The following SGSM3 variants were observed in gnomAD, a reference collection of about 807,000 sequenced individuals.
SGSM3 encodes the protein RUN and SH3 containing 3.
In SGSM3, 96 loss-of-function variants were observed where a neutral mutation model predicts 100.5. The observed-to-expected ratio is 0.96, with a 90% CI of 0.81 to 1.13. The LOEUF is 1.13. Ranked by LOEUF, SGSM3 falls within the 50% of genes most tolerant of loss-of-function variation. SGSM3 has a pLI of 0.00. For synonymous variants in SGSM3, 483 were observed against 422.8 expected (o/e 1.14, Z -1.75); for missense variants, 1,001 against 1,015.8 (o/e 0.99, Z 0.20).
intron 1 of SGSM3, among the ~76,000 whole-genome samples, chr22:40,384,760 G>A (rs2048164005): frequency 6.6e-6 from 1 of 152,088 alleles, no homozygotes; most frequent in Admixed American, 6.5e-5. Flanking sequence ...CAGCCTGGGC[G>A]ACAGAGCAAG....
At chr22:40,397,830 C>T (rs982503489) in intron 1 of SGSM3, among the ~76,000 whole-genome samples, 4 of 152,192 alleles carry the variant, frequency 2.6e-5, no homozygotes, top group Admixed American at 1.3e-4. Flanking sequence ...GTGTCCCTAA[C>T]CCATATTCTA....
intron 2 of SGSM3, among the ~76,000 whole-genome samples, chr22:40,401,372 C>T (rs1602022720): frequency 2.0e-5 from 3 of 152,208 alleles, no homozygotes; most frequent in South Asian, 2.1e-4. Flanking sequence ...TCCTGCCTCC[C>T]GAGTAGCTGG....
intron 1 of SGSM3, among the ~76,000 whole-genome samples, chr22:40,384,780 C>CA (rs1449627031): frequency 4.7e-5 from 7 of 149,722 alleles, no homozygotes; most frequent in African/African-American, 1.2e-4. Context: ...GACTCCACCT[C>CA]AAAAAAAAAG....
rs1294971845 is a variant in SGSM3, at chr22:40,407,393, G to A, written c.1369-20G>A. On this transcript the variant is annotated intron_variant, in intron 12 of 21. Coordinates refer to ENST00000248929, the MANE Select transcript of SGSM3 (RefSeq NM_015705.6). The surrounding 1 kb of genome is among the most constrained non-coding windows in gnomAD (Gnocchi z 4.7). ...CTAACTCCTCCAACCCCCTTGGTGG[G>A]CCTGTGTTCACTGTGGCAGGAGCTG... 1 of 1,611,428 alleles carries A rather than the reference G, an allele frequency of 6.2e-7. No homozygotes were observed. Among genetic ancestry groups the A allele is most frequent in the East Asian group, 2.2e-5 (1 of 44,824 alleles).
At position 40,408,388 on chromosome 22, in the gene SGSM3, C is replaced by T; in HGVS notation, c.1741C>T (p.Leu581=). The T allele has an allele frequency of 6.2e-7, 1 of 1,613,510 alleles. No homozygotes were observed. Among genetic ancestry groups the T allele is most frequent in the Non-Finnish European group, 8.5e-7 (1 of 1,179,980 alleles). Residue 581 remains leucine (L), a synonymous_variant, in exon 16 of 22, where the codon CTG becomes TTG. Transcript: ENST00000248929. ...CGAACATGGACTGAAGAAGCCATCC[C>T]TGCTTGGGGGCGCCTGCCACCCCTG... ...LFEHGLKKPS[L]LGGACHPWLF...
chr22:40,387,347 G>A (rs2048640447), intron 1 of SGSM3: 1 of 395,128 alleles, frequency 2.5e-6, no homozygotes, highest in African/African-American at 2.1e-5. Context: ...GTTCATATCT[G>A]CAAATGAAAC....
chr22:40,383,988 C>G (rs1478266380), intron 1 of SGSM3, among the ~76,000 whole-genome samples: 1 of 152,154 alleles, frequency 6.6e-6, no homozygotes, highest in Non-Finnish European at 1.5e-5. Context: ...ATGGCTCATG[C>G]CTGTAATCCT....
In SGSM3 at chr22:40,409,358, C is replaced by T. The variant is rs750402072; in HGVS notation, c.2097C>T (p.Ile699=). The T allele has an allele frequency of 2.2e-5, 35 of 1,605,414 alleles. No individual in the cohort carries two copies. The highest frequency in any genetic ancestry group is 2.7e-5 in the Non-Finnish European group (32 of 1,175,486). ...SFLRSPGWVQ[I]KCELRVLCCF... Reference sequence around the variant, plus strand: ...TGCGCAGCCCGGGCTGGGTCCAGATCAAGTGTGAGCTCCGGTGAGGACCTT... The same window carrying T: ...TGCGCAGCCCGGGCTGGGTCCAGATTAAGTGTGAGCTCCGGTGAGGACCTT... Residue 699 remains isoleucine (I), a synonymous_variant, in exon 20 of 22, where the codon ATC becomes ATT. Coordinates refer to ENST00000248929, the MANE Select transcript of SGSM3 (RefSeq NM_015705.6).
At chr22:40,371,858 G>A (rs575687235) in intron 1 of SGSM3, among the ~76,000 whole-genome samples, 119 of 151,656 alleles carry the variant, frequency 7.8e-4, no homozygotes, top group African/African-American at 2.8e-3. Context: ...CACCACGCCC[G>A]GCTAATTTGT....
intron 1 of SGSM3, among the ~76,000 whole-genome samples, chr22:40,381,042 TG>T (rs1323525686): frequency 6.6e-6 from 1 of 152,228 alleles, no homozygotes; most frequent in Admixed American, 6.5e-5. Context: ...AGCATGATAA[TG>T]GTTTAGCATG....
intron 1 of SGSM3, among the ~76,000 whole-genome samples, chr22:40,395,035 C>T (rs1351068019): frequency 7.9e-5 from 12 of 152,188 alleles, no homozygotes; most frequent in Admixed American, 7.9e-4. Context: ...CTCACTTAAC[C>T]TCATAAGTAG....
intron 1 of SGSM3, among the ~76,000 whole-genome samples, chr22:40,382,472 G>A (rs562974278): frequency 3.9e-5 from 6 of 152,170 alleles, no homozygotes; most frequent in Admixed American, 2.0e-4. Flanking sequence ...ACTGTTGGCC[G>A]GAGCACCTAT....
chr22:40,372,598 G>A (rs1483789375), intron 1 of SGSM3: 2 of 152,206 alleles, frequency 1.3e-5, no homozygotes, highest in African/African-American at 4.8e-5. Context: ...TTGGAAACAT[G>A]TCAGGTTGAT....
chr22:40,401,819 G>A, intron 3 of SGSM3, 144 bp downstream of exon 3: 4 of 702,914 alleles, frequency 5.7e-6, no homozygotes, highest in South Asian at 4.6e-5. Flanking sequence ...TTAGCCCCAT[G>A]TTTCCTGTGT....
chr22:40,409,867 A>T lies in SGSM3; in HGVS notation c.*108A>T. ...CCAGAGCCCTGGCCGGGGCCGCGGG[A>T]TATCAATATCAGGCTGCCCCACTCC... On this transcript the variant is annotated 3_prime_UTR_variant, in exon 22 of 22. Coordinates refer to ENST00000248929, the MANE Select transcript of SGSM3 (RefSeq NM_015705.6). The T allele has an allele frequency of 6.8e-7, 1 of 1,470,204 alleles. No homozygotes were observed. The allele number at this position is 1,470,204 out of a possible 1,614,324, so 91.1% of individuals were successfully genotyped here.
chr22:40,407,464 T>C lies in SGSM3; in HGVS notation c.1420T>C (p.Tyr474His). 1 of 1,612,400 alleles carries C rather than the reference T, an allele frequency of 6.2e-7. No individual in the cohort carries two copies. The highest frequency in any genetic ancestry group is 8.5e-7 in the Non-Finnish European group (1 of 1,179,948). The stretch of plus-strand genomic sequence containing the variant: ...GAGCCACCAGCGGGACCACGAGAAC[T>C]ACGTGGCGTGCTCACGCAGCCACCG... ...MESHQRDHEN[Y>H]VACSRSHRRR... The change falls in exon 13 of 22, where the codon TAC becomes CAC. Residue 474 changes from tyrosine (Y) to histidine (H), a missense_variant. By Grantham distance (83) the Tyr-to-His change is moderately conservative. Coordinates refer to ENST00000248929, the MANE Select transcript of SGSM3 (RefSeq NM_015705.6). This position sits in a 1 kb window ranked among gnomAD's most constrained non-coding sequence, Gnocchi z 4.7.
Position 40,407,573 on chromosome 22 carries a change from G to T in SGSM3, c.1524+5G>T. On this transcript the variant is annotated splice_donor_5th_base_variant and intron_variant, in intron 13 of 21. Coordinates refer to ENST00000248929, the MANE Select transcript of SGSM3 (RefSeq NM_015705.6). This position sits in a 1 kb window ranked among gnomAD's most constrained non-coding sequence, Gnocchi z 4.7. ...CGCAAGAACGACATCATCACAGTGCGTGGGGGCGCTGGACTACCAGGTCCT... is the reference window on the plus strand; with the variant it reads ...CGCAAGAACGACATCATCACAGTGCTTGGGGGCGCTGGACTACCAGGTCCT... The T allele has an allele frequency of 6.2e-7, 1 of 1,601,588 alleles. No individual in the cohort carries two copies. The highest frequency in any genetic ancestry group is 8.5e-7 in the Non-Finnish European group (1 of 1,178,936).
intron 1 of SGSM3, 47 bp downstream of exon 1, chr22:40,370,735 TTCCCC>T (rs2045237750): frequency 6.6e-6 from 1 of 152,484 alleles, no homozygotes; most frequent in Non-Finnish European, 1.5e-5. Flanking sequence ...CGCCTACAAG[TTCCCC>T]TCAGGCGGGG....
intron 1 of SGSM3, among the ~76,000 whole-genome samples, chr22:40,371,943 C>G (rs2045585021): frequency 6.6e-6 from 1 of 152,084 alleles, no homozygotes; most frequent in Admixed American, 6.6e-5. Flanking sequence ...AGGTGATCCG[C>G]CCGTCTCGGG....
Sources: gnomAD v4.1 joint callset for allele counts (sites outside exome capture counted in the v4.1 genomes callset) on GRCh38, gnomAD v4.1.1 for gene constraint, Gnocchi (gnomAD v3.1) non-coding constraint, MANE v1.5 for transcripts, NCBI Gene and HGNC (gene_info 2026-07-23, HGNC 2026-07-21) for gene names.